The following CSMD3 variants were observed in gnomAD, a reference collection of about 807,000 sequenced individuals.
CSMD3 encodes the protein CUB and Sushi multiple domains 3.
Under a neutral mutation model 435.2 loss-of-function variants are expected in CSMD3, and 177 were observed. That is an observed-to-expected ratio of 0.41 (90% CI 0.36 to 0.46). The LOEUF is 0.46. Ranked by LOEUF, CSMD3 falls within the 20% of genes least tolerant of loss-of-function variation. CSMD3 has a pLI of 0.34. For synonymous variants in CSMD3, 1,656 were observed against 1,520.5 expected (o/e 1.09, Z -2.07); for missense variants, 4,265 against 4,504.6 (o/e 0.95, Z 1.52).
chr8:112,233,157 C>T (rs1813254689), intron 68 of CSMD3, among the ~76,000 whole-genome samples: 1 of 152,048 alleles, frequency 6.6e-6, no homozygotes, highest in Admixed American at 6.6e-5. Flanking sequence ...ATTCCTACTA[C>T]TAAGTAGTAA....
chr8:112,981,471 A>G (rs1332215466), intron 6 of CSMD3, among the ~76,000 whole-genome samples: 1 of 151,618 alleles, frequency 6.6e-6, no homozygotes, highest in Non-Finnish European at 1.5e-5. Flanking sequence ...ATTTTGTTAA[A>G]GTTTATAAGC....
chr8:112,510,802 ACT>A (rs1433982275), intron 28 of CSMD3, among the ~76,000 whole-genome samples: 9 of 151,944 alleles, frequency 5.9e-5, no homozygotes, highest in Non-Finnish European at 1.0e-4. Context: ...TAAGCTAGAC[ACT>A]CTGTCTATAT....
chr8:113,303,185 C>A (rs1383508328), intron 2 of CSMD3, among the ~76,000 whole-genome samples: 2 of 144,900 alleles, frequency 1.4e-5, no homozygotes, highest in African/African-American at 5.2e-5. Context: ...AATAAAATAC[C>A]TAGGAATCCA....
intron 3 of CSMD3, among the ~76,000 whole-genome samples, chr8:113,274,397 G>A (rs1339393628): frequency 2.0e-5 from 3 of 152,058 alleles, no homozygotes; most frequent in African/African-American, 7.2e-5. Flanking sequence ...GGTGAGAACT[G>A]GTTCGTGGAC....
intron 5 of CSMD3, among the ~76,000 whole-genome samples, chr8:113,044,268 A>AGGCCTCTCCTGGACG (rs1355073864): frequency 2.0e-5 from 3 of 149,938 alleles, no homozygotes; most frequent in Non-Finnish European, 3.0e-5. Flanking sequence ...AGAAATATGA[A>AGGCCTCTCCTGGACG]ATAGCAAATT....
intron 13 of CSMD3, among the ~76,000 whole-genome samples, chr8:112,738,114 T>C (rs941872325): frequency 6.6e-6 from 1 of 151,776 alleles, no homozygotes. Flanking sequence ...TTGATGCAGA[T>C]ATAAGCAGAG....
At chr8:112,612,814 C>T (rs925528461) in intron 22 of CSMD3, among the ~76,000 whole-genome samples, 3 of 143,048 alleles carry the variant, frequency 2.1e-5, no homozygotes, top group Non-Finnish European at 4.5e-5. Flanking sequence ...AACTCCTGGG[C>T]TCAAGTGAGC....
At chr8:112,783,914 T>G (rs748492334) in intron 13 of CSMD3, among the ~76,000 whole-genome samples, 24 of 151,720 alleles carry the variant, frequency 1.6e-4, no homozygotes, top group Non-Finnish European at 3.2e-4. Context: ...TACATATATA[T>G]GTACTCAACA....
At chr8:113,042,986 G>A (rs1777841734) in intron 5 of CSMD3, among the ~76,000 whole-genome samples, 2 of 152,074 alleles carry the variant, frequency 1.3e-5, no homozygotes, top group South Asian at 4.1e-4. Context: ...TGAACAATCA[G>A]GACTTAGACC....
At chr8:112,290,703 A>T (rs1684172695) in intron 56 of CSMD3, among the ~76,000 whole-genome samples, 1 of 151,930 alleles carries the variant, frequency 6.6e-6, no homozygotes, top group Admixed American at 6.6e-5. Flanking sequence ...TAAAACCAAA[A>T]ATTATTTGCC....
chr8:112,664,291 C>T (rs117277586), intron 17 of CSMD3, among the ~76,000 whole-genome samples: 2 of 152,086 alleles, frequency 1.3e-5, no homozygotes, highest in Non-Finnish European at 2.9e-5. Flanking sequence ...TCCTATTGTT[C>T]CAAATCAATA....
intron 5 of CSMD3, among the ~76,000 whole-genome samples, chr8:113,030,511 A>C (rs563391511): frequency 5.8e-4 from 88 of 150,926 alleles, no homozygotes; most frequent in Admixed American, 1.8e-3. Flanking sequence ...CTTATAGCTA[A>C]CTGATATTTG....
intron 4 of CSMD3, among the ~76,000 whole-genome samples, chr8:113,160,154 G>A (rs1049266408): frequency 1.3e-5 from 2 of 151,798 alleles, no homozygotes; most frequent in African/African-American, 2.4e-5. Flanking sequence ...GGAATCAAAT[G>A]TTTTTGATTG....
chr8:112,734,943 G>A (rs1327611801), intron 13 of CSMD3, among the ~76,000 whole-genome samples: 4 of 151,938 alleles, frequency 2.6e-5, no homozygotes, highest in South Asian at 4.1e-4. Flanking sequence ...ACAGGGAAAG[G>A]TGCCCCCATT....
intron 4 of CSMD3, among the ~76,000 whole-genome samples, chr8:113,122,533 A>T (rs952551549): frequency 6.6e-6 from 1 of 152,150 alleles, no homozygotes; most frequent in Non-Finnish European, 1.5e-5. Flanking sequence ...ATCACCCAGG[A>T]ATATTTCAGC....
chr8:113,018,661 G>A (rs2086564324), intron 6 of CSMD3: 1 of 177,880 alleles, frequency 5.6e-6, no homozygotes, highest in African/African-American at 2.4e-5. Flanking sequence ...CTCCTAACAA[G>A]GTTAATTAAA....
chr8:113,081,421 T>A (rs889985693), intron 5 of CSMD3, among the ~76,000 whole-genome samples: 2 of 152,044 alleles, frequency 1.3e-5, no homozygotes, highest in Non-Finnish European at 2.9e-5. Context: ...TTGTTGGGAC[T>A]CCCCCACTGC....
intron 3 of CSMD3, among the ~76,000 whole-genome samples, chr8:113,245,648 A>G (rs770469434): frequency 6.6e-6 from 1 of 152,038 alleles, no homozygotes; most frequent in East Asian, 1.9e-4. Context: ...TTAAAATCAG[A>G]CAGAATATTT....
At position 113,205,682 on chromosome 8, in the gene CSMD3, A is replaced by G. The variant is rs75530710; in HGVS notation, c.515-31766T>C. Among the ~76,000 whole-genome samples the G allele has an allele frequency of 2.0e-3, 299 of 152,310 alleles. 1 individual carries two copies. The highest frequency in any genetic ancestry group is 0.011 in the South Asian group (55 of 4,824). ...AAACAACCTTTTCTCTCTAGTGACT[A>G]TAATTGTAATCAAAATAGACAGAAA... On this transcript the variant is annotated intron_variant, in intron 3 of 70. Transcript: ENST00000297405.
Sources: allele counts gnomAD v4.1 joint callset (sites outside exome capture counted in the v4.1 genomes callset), GRCh38; gene constraint gnomAD v4.1.1; transcripts MANE v1.5; gene names NCBI Gene and HGNC (gene_info 2026-07-23, HGNC 2026-07-21).